GRID2: variants seen among roughly 807,000 people sequenced by gnomAD.
GRID2 encodes glutamate receptor ionotropic, delta-2.
A neutral mutation model predicts 114.8 loss-of-function variants in GRID2; 33 were observed. That is an observed-to-expected ratio of 0.29 (90% CI 0.22 to 0.38). The LOEUF (loss-of-function observed/expected upper bound fraction) is 0.38. Among genes scored for constraint, GRID2 ranks in the 10% least tolerant of loss-of-function variants. The pLI, the probability that GRID2 is intolerant of heterozygous loss-of-function variation, is 1.00. For synonymous variants in GRID2, 505 were observed against 449.9 expected (o/e 1.12, Z -1.55); for missense variants, 1,184 against 1,257.7 (o/e 0.94, Z 0.89).
At chr4:92,580,404 C>T (rs532867947) in intron 1 of GRID2, among the ~76,000 whole-genome samples, 95 of 138,844 alleles carry the variant, frequency 6.8e-4, no homozygotes, top group African/African-American at 2.3e-3. Flanking sequence ...TGGAAGAGTA[C>T]CATTTTCCTA....
At chr4:92,738,686 CTG>C (rs1324129180) in intron 2 of GRID2, among the ~76,000 whole-genome samples, 3 of 152,072 alleles carry the variant, frequency 2.0e-5, no homozygotes, top group African/African-American at 7.2e-5. Context: ...GGATCTCACT[CTG>C]TTGCTCATGC....
At chr4:92,542,673 T>C (rs1726034143) in intron 1 of GRID2, among the ~76,000 whole-genome samples, 1 of 151,872 alleles carries the variant, frequency 6.6e-6, no homozygotes, top group African/African-American at 2.4e-5. Context: ...ACACATTGGG[T>C]ACAGGGTACA....
intron 2 of GRID2, among the ~76,000 whole-genome samples, chr4:93,064,021 ATAT>A (rs1395318280): frequency 6.9e-6 from 1 of 145,602 alleles, no homozygotes; most frequent in African/African-American, 2.5e-5. Flanking sequence ...ATATTTAATA[ATAT>A]TCCATGTTTA....
chr4:92,457,489 C>A (rs976697080), intron 1 of GRID2, among the ~76,000 whole-genome samples: 4 of 151,970 alleles, frequency 2.6e-5, no homozygotes, highest in African/African-American at 9.7e-5. Flanking sequence ...TTATGCGCAT[C>A]GAAAGATGTA....
In GRID2 at chr4:93,170,197, C is replaced by T. The variant is rs138617824; in HGVS notation, c.736-37207C>T. On this transcript the variant is annotated intron_variant, in intron 4 of 15. Coordinates refer to ENST00000282020, the MANE Select transcript of GRID2 (RefSeq NM_001510.4). The stretch of plus-strand genomic sequence containing the variant: ...CTCCTGGGCTCAAGCAATTCTCCTA[C>T]CTTAGCCACTCAAGTTGCTGGAATT... 4.2e-3 allele frequency among the ~76,000 whole-genome samples: 634 copies of T among 152,226 alleles called. 8 individuals are homozygous for T. The highest frequency in any genetic ancestry group is 0.015 in the African/African-American group (611 of 41,532).
At chr4:93,571,925 A>G (rs765119667) in intron 13 of GRID2, among the ~76,000 whole-genome samples, 140 of 152,130 alleles carry the variant, frequency 9.2e-4, no homozygotes, top group Non-Finnish European at 2.5e-4. Context: ...AATGGAAAAA[A>G]GGATAGTGGA....
chr4:92,440,850 A>C (rs527246797), intron 1 of GRID2, among the ~76,000 whole-genome samples: 135 of 152,282 alleles, frequency 8.9e-4, no homozygotes, highest in African/African-American at 3.2e-3. Flanking sequence ...GGGAGGCTGA[A>C]GTCTGGGCCA....
intron 8 of GRID2, among the ~76,000 whole-genome samples, chr4:93,351,718 A>G (rs1226236188): frequency 2.0e-5 from 3 of 151,802 alleles, no homozygotes; most frequent in Non-Finnish European, 2.9e-5. Flanking sequence ...TTATAATGTT[A>G]TTATGTGAAT....
intron 9 of GRID2, among the ~76,000 whole-genome samples, chr4:93,415,776 A>G (rs1449308840): frequency 2.0e-5 from 3 of 152,052 alleles, no homozygotes; most frequent in African/African-American, 7.2e-5. Flanking sequence ...ATCATCTTGC[A>G]TAATAATAGC....
intron 2 of GRID2, among the ~76,000 whole-genome samples, chr4:92,812,085 T>G (rs1464622280): frequency 6.6e-6 from 1 of 152,172 alleles, no homozygotes; most frequent in Non-Finnish European, 1.5e-5. Context: ...TTAGAAAATC[T>G]GTACAACCTT....
chr4:92,413,223 G>A (rs1281541902), intron 1 of GRID2, among the ~76,000 whole-genome samples: 1 of 152,090 alleles, frequency 6.6e-6, no homozygotes, highest in Admixed American at 6.6e-5. Flanking sequence ...GAGGCATGTA[G>A]CTTTTTCATT....
At chr4:92,477,816 T>G (rs1722391802) in intron 1 of GRID2, among the ~76,000 whole-genome samples, 1 of 147,298 alleles carries the variant, frequency 6.8e-6, no homozygotes, top group African/African-American at 2.5e-5. Context: ...TTAATATAAT[T>G]AAAATAATAT....
At chr4:93,496,937 T>A (rs6532410) in intron 12 of GRID2, among the ~76,000 whole-genome samples, 1 of 151,664 alleles carries the variant, frequency 6.6e-6, no homozygotes, top group Non-Finnish European at 1.5e-5. Context: ...TATATATTTG[T>A]TTTTTAAGAA....
chr4:92,401,891 T>C (rs898718439), intron 1 of GRID2, among the ~76,000 whole-genome samples: 6 of 152,192 alleles, frequency 3.9e-5, no homozygotes, highest in African/African-American at 1.4e-4. Context: ...CTCTGTAGTA[T>C]GCAATGCTGC....
chr4:93,192,719 C>T (rs1741099516), intron 4 of GRID2, among the ~76,000 whole-genome samples: 1 of 146,330 alleles, frequency 6.8e-6, no homozygotes, highest in Non-Finnish European at 1.5e-5. Context: ...TGCACTCCAG[C>T]CTGGGCAACA....
chr4:93,075,967 G>A (rs1729250567), intron 2 of GRID2, among the ~76,000 whole-genome samples: 2 of 134,146 alleles, frequency 1.5e-5, no homozygotes, highest in South Asian at 2.4e-4. Flanking sequence ...GCAGTGGCGC[G>A]ATCTCGGCTC....
intron 2 of GRID2, among the ~76,000 whole-genome samples, chr4:92,989,529 A>G (rs1271754201): frequency 6.6e-6 from 1 of 152,012 alleles, no homozygotes; most frequent in Non-Finnish European, 1.5e-5. Context: ...TCCCAATAAA[A>G]AAAAGGTACG....
chr4:92,411,956 C>T (rs575577328), intron 1 of GRID2, among the ~76,000 whole-genome samples: 5 of 152,026 alleles, frequency 3.3e-5, no homozygotes, highest in East Asian at 1.9e-4. Context: ...CCGCCCGCCT[C>T]GGCCTCCCAA....
intron 2 of GRID2, among the ~76,000 whole-genome samples, chr4:92,725,153 T>A (rs559325906): frequency 1.3e-5 from 2 of 152,030 alleles, no homozygotes; most frequent in Non-Finnish European, 2.9e-5. Flanking sequence ...ATATGAAAAT[T>A]AGCCCAGTGT....
Sources: allele counts gnomAD v4.1 joint callset (sites outside exome capture counted in the v4.1 genomes callset), GRCh38; gene constraint gnomAD v4.1.1; transcripts MANE v1.5; gene names NCBI Gene and HGNC (gene_info 2026-07-23, HGNC 2026-07-21).